Variants in ELMO2 observed in about 807,000 individuals in gnomAD.
The protein encoded by ELMO2 is engulfment and cell motility protein 2.
A neutral mutation model predicts 96.2 loss-of-function variants in ELMO2; 37 were observed. That is an observed-to-expected ratio of 0.38 (90% CI 0.30 to 0.51). ELMO2 has a LOEUF of 0.51. Ranked by LOEUF, ELMO2 falls within the 20% of genes least tolerant of loss-of-function variation. The pLI is 0.88. For synonymous variants in ELMO2, 315 were observed against 329.4 expected, an observed-to-expected ratio of 0.96 and a Z score of 0.47; for missense variants, 561 against 912.6, an observed-to-expected ratio of 0.61 and a Z score of 4.96.
chr20:46,381,363 G>C (rs564863845), intron 10 of ELMO2, among the ~76,000 whole-genome samples: 4 of 152,224 alleles, frequency 2.6e-5, no homozygotes, highest in Admixed American at 2.6e-4. Flanking sequence ...AAATCAGTGG[G>C]CCTGAGGGAG....
chr20:46,375,558 C>A lies in ELMO2; in HGVS notation c.930+110G>T. 6.5e-7 allele frequency: 1 copy of A among 1,539,448 alleles called. No individual in the cohort carries two copies. The highest frequency in any genetic ancestry group is 8.9e-7 in the Non-Finnish European group (1 of 1,128,444). ...GCAGATCATGCTAGATTTTCTAGGG[C>A]AGATGCAAACTACTTCTGCAGACAA... On this transcript the variant is annotated intron_variant, in intron 12 of 21. Transcript: ENST00000290246. This position sits in a 1 kb window ranked among gnomAD's most constrained non-coding sequence, Gnocchi z 4.6.
chr20:46,369,915 T>G, intron 20 of ELMO2: 1 of 182,870 alleles, frequency 5.5e-6, no homozygotes, highest in Non-Finnish European at 1.1e-5. Context: ...ATTAAGAAAC[T>G]TAAAAGACCA....
In ELMO2 at chr20:46,367,332, C is replaced by A. The variant is rs1600809586; in HGVS notation, c.*28G>T. 6.9e-7 allele frequency: 1 copy of A among 1,451,160 alleles called. No individual in the cohort carries two copies. The highest frequency in any genetic ancestry group is 9.1e-7 in the Non-Finnish European group (1 of 1,098,316). The allele number at this position is 1,451,160 out of a possible 1,614,324, so 89.9% of individuals were successfully genotyped here. On this transcript the variant is annotated 3_prime_UTR_variant, in exon 22 of 22. Coordinates refer to ENST00000290246, the MANE Select transcript of ELMO2 (RefSeq NM_133171.5). ...TCTCCTGGGCCCAAAATCCCTTCTC[C>A]TGGGTACCGTCGTTTCTGGCTCCAG...
At chr20:46,376,772 C>T in intron 11 of ELMO2, 6 of 1,289,334 alleles carry the variant, frequency 4.7e-6, no homozygotes, top group Non-Finnish European at 6.1e-6. Context: ...TCCACATGTA[C>T]CACCACTATG....
rs141808472 is a variant in ELMO2, at chr20:46,386,225, C to T, written c.576G>A (p.Arg192=). Residue 192 remains arginine, a synonymous_variant, in exon 9 of 22, where the codon AGG becomes AGA. Coordinates refer to ENST00000290246, the MANE Select transcript of ELMO2 (RefSeq NM_133171.5). ...CCATGCTCTCCAGGATGGCCAGGGA[C>T]CTCTGAAGGATTGACACGTCCACCA... is the stretch of plus-strand genomic sequence containing the variant. ...QPMVDVSILQ[R]SLAILESMVL... The T allele has an allele frequency of 2.1e-5, 34 of 1,613,978 alleles. No homozygotes were observed. The African/African-American group carries it at 4.1e-4, about 20-fold the overall frequency.
intron 11 of ELMO2, among the ~76,000 whole-genome samples, chr20:46,377,301 C>T (rs552959936): frequency 3.3e-5 from 5 of 152,266 alleles, no homozygotes; most frequent in East Asian, 3.9e-4. Context: ...GAAATGGTAA[C>T]GTTTTCGATA....
At chr20:46,402,464 T>C (rs1286531941) in intron 1 of ELMO2, among the ~76,000 whole-genome samples, 1 of 152,238 alleles carries the variant, frequency 6.6e-6, no homozygotes, top group Non-Finnish European at 1.5e-5. Context: ...ACAAACCACT[T>C]ACCTCAGTTT....
rs534307735 is a variant in ELMO2 at position 46,369,182 on chromosome 20, A to G, written c.1885-214T>C. On this transcript the variant is annotated intron_variant, in intron 20 of 21. Coordinates refer to ENST00000290246, the MANE Select transcript of ELMO2 (RefSeq NM_133171.5). ...CCACTCCCTGCCCAAGTCACATCAA[A>G]GATGTTGTGATATTTTTAAGATTGG... 44 of 503,966 alleles carry G rather than the reference A, an allele frequency of 8.7e-5. No homozygotes were observed. In the South Asian group the frequency reaches 1.3e-3, roughly 15 times the overall value. The allele number at this position is 503,966 out of a possible 1,614,324, so 31.2% of individuals were successfully genotyped here.
intron 4 of ELMO2, 131 bp from the exon 5 acceptor site, chr20:46,393,732 G>C: frequency 9.6e-7 from 1 of 1,047,056 alleles, no homozygotes; most frequent in Non-Finnish European, 1.4e-6. Context: ...CAAAGCTTTA[G>C]GTTGTCATGT....
At chr20:46,401,657 A>C (rs2060338279) in intron 1 of ELMO2, among the ~76,000 whole-genome samples, 1 of 152,086 alleles carries the variant, frequency 6.6e-6, no homozygotes. Context: ...TGGCTTTCAG[A>C]TTCGCTTTTG....
chr20:46,369,981 TG>T, intron 20 of ELMO2: 1 of 324,308 alleles, frequency 3.1e-6, no homozygotes, highest in South Asian at 2.5e-5. Context: ...TGTGTGTGTG[TG>T]TGTGTGTGTG....
In ELMO2 at chr20:46,366,289, A is replaced by C. The variant is rs1178247565; in HGVS notation, c.*1071T>G. On this transcript the variant is annotated 3_prime_UTR_variant, in exon 22 of 22. Coordinates refer to ENST00000290246, the MANE Select transcript of ELMO2 (RefSeq NM_133171.5). The stretch of plus-strand genomic sequence containing the variant: ...TATAGTACACTCTTCATTGGGTAGT[A>C]CCTACCATGCCAGGCCACCAATACT... The C allele has an allele frequency of 6.5e-6, 1 of 152,682 alleles. No homozygotes were observed. Among genetic ancestry groups the C allele is most frequent in the Non-Finnish European group, 1.5e-5 (1 of 68,066 alleles). 9.5% of individuals were successfully genotyped at this position (152,682 alleles called of 1,614,324 possible).
intron 9 of ELMO2, among the ~76,000 whole-genome samples, chr20:46,384,231 G>C (rs571119452): frequency 2.8e-4 from 42 of 152,146 alleles, no homozygotes; most frequent in Non-Finnish European, 5.6e-4. Context: ...TAAAGTCTTT[G>C]ACTATAAACT....
intron 6 of ELMO2, among the ~76,000 whole-genome samples, chr20:46,391,055 C>G (rs955641580): frequency 6.6e-6 from 1 of 152,224 alleles, no homozygotes. Context: ...GAGAGATGTG[C>G]TTCTGGGAAA....
In ELMO2 at chr20:46,394,236, C is replaced by T. The variant is rs1199641472; in HGVS notation, c.79-147G>A. The T allele has an allele frequency of 1.4e-4, 155 of 1,114,650 alleles. 1 individual carries two copies. Among genetic ancestry groups the T allele is most frequent in the East Asian group, 4.6e-4 (18 of 39,556 alleles). 69.0% of individuals were successfully genotyped at this position (1,114,650 alleles called of 1,614,324 possible). A position where few individuals can be genotyped will look rare whatever the true frequency, so the allele number is the denominator to read the frequency against. On this transcript the variant is annotated intron_variant, in intron 3 of 21. Coordinates refer to ENST00000290246, the MANE Select transcript of ELMO2 (RefSeq NM_133171.5). ...CTTTTGTTGAAGAGGAAGCCTCTCC[C>T]AAGCCATGGTGACCGACCTTCCCTA...
At chr20:46,401,901 T>A (rs906540660) in intron 1 of ELMO2, among the ~76,000 whole-genome samples, 1 of 152,202 alleles carries the variant, frequency 6.6e-6, no homozygotes, top group Admixed American at 6.5e-5. Context: ...CATACCTTCC[T>A]GATCCTACTG....
chr20:46,387,632 CAA>C (rs60792576), intron 7 of ELMO2, 195 bp from the exon 8 acceptor site: 436 of 108,868 alleles, frequency 4.0e-3, no homozygotes, highest in East Asian at 0.016. Context: ...TCTATCGCTG[CAA>C]AAAAAAAAAA....
At chr20:46,394,131 C>G (rs1262156030) in intron 3 of ELMO2, 42 bp from the exon 4 acceptor site, 17 of 1,555,988 alleles carry the variant, frequency 1.1e-5, no homozygotes, top group Non-Finnish European at 1.3e-5. Context: ...CAGCAACATC[C>G]TACTCATGCC....
rs1414828827 is a variant in ELMO2 at position 46,375,220 on chromosome 20, G to A, written c.1065+16C>T. ...GGGGAGAGGGCCTACCACCGTCTAT[G>A]CTCTGAGGTACTTACGGTAAATCCC... On this transcript the variant is annotated intron_variant, in intron 13 of 21. Coordinates refer to ENST00000290246, the MANE Select transcript of ELMO2 (RefSeq NM_133171.5). The surrounding 1 kb of genome is among the most constrained non-coding windows in gnomAD (Gnocchi z 4.6). The A allele has an allele frequency of 1.2e-6, 2 of 1,612,272 alleles. No homozygotes were observed. Among genetic ancestry groups the A allele is most frequent in the East Asian group, 2.2e-5 (1 of 44,892 alleles).
Sources: gnomAD v4.1 joint callset for allele counts (sites outside exome capture counted in the v4.1 genomes callset) on GRCh38, gnomAD v4.1.1 for gene constraint, Gnocchi (gnomAD v3.1) non-coding constraint, MANE v1.5 for transcripts, NCBI Gene and HGNC (gene_info 2026-07-23, HGNC 2026-07-21) for gene names.